The following SAP130 variants were observed in gnomAD, a reference collection of about 807,000 sequenced individuals.
SAP130 encodes the protein Sin3A associated protein 130.
A neutral mutation model predicts 103.2 loss-of-function variants in SAP130; 16 were observed. The ratio of observed to expected loss-of-function variants is 0.16; its 90% CI spans 0.10 to 0.24. SAP130 has a LOEUF of 0.24. Ranked by LOEUF, SAP130 falls within the 10% of genes least tolerant of loss-of-function variation. The pLI is 1.00. For synonymous variants in SAP130, 477 were observed against 497.0 expected, an observed-to-expected ratio of 0.96 and a Z score of 0.53; for missense variants, 990 against 1,359.7, an observed-to-expected ratio of 0.73 and a Z score of 4.28.
rs763014737 is a variant in SAP130 at position 127,978,009 on chromosome 2, G to A, written c.2039C>T (p.Thr680Met). The part of the protein sequence containing the change: ...SPRVESSMRS[T>M]SGSPRPAGAK... ...CCCTGCAGGCCTAGGTGACCCAGACGTACTCCGCATAGAGCTTTCCACTCG... is the reference window on the plus strand; with the variant it reads ...CCCTGCAGGCCTAGGTGACCCAGACATACTCCGCATAGAGCTTTCCACTCG... The change falls in exon 15 of 21, where the codon ACG (threonine) becomes ATG (methionine). Residue 680 changes from threonine to methionine, a missense_variant. Coordinates refer to ENST00000643581, the MANE Select transcript of SAP130 (RefSeq NM_001330301.2). 1.5e-5 allele frequency: 24 copies of A among 1,551,872 alleles called. No homozygotes were observed. Among genetic ancestry groups the A allele is most frequent in the South Asian group, 8.3e-5 (7 of 84,066 alleles).
chr2:127,945,745 T>C (rs943393443), intron 18 of SAP130, among the ~76,000 whole-genome samples, 186 bp from the exon 19 acceptor site: 1 of 152,130 alleles, frequency 6.6e-6, no homozygotes. Flanking sequence ...CCCTGCCTCC[T>C]AGGCTCAAAT....
intron 12 of SAP130, among the ~76,000 whole-genome samples, chr2:127,992,928 C>T (rs565478149): frequency 3.9e-5 from 6 of 152,288 alleles, no homozygotes; most frequent in Non-Finnish European, 5.9e-5. Flanking sequence ...TAACTACTGT[C>T]ATTTTAAGGA....
intron 9 of SAP130, 51 bp downstream of exon 9, chr2:128,000,005 C>T (rs1341121068): frequency 6.4e-7 from 1 of 1,566,088 alleles, no homozygotes; most frequent in Non-Finnish European, 8.8e-7. Flanking sequence ...TAACCCATCA[C>T]TCTTGCCTCC....
chr2:127,946,279 G>A (rs1679070810), intron 18 of SAP130, among the ~76,000 whole-genome samples: 1 of 152,158 alleles, frequency 6.6e-6, no homozygotes, highest in African/African-American at 2.4e-5. Flanking sequence ...AAGGGAATTG[G>A]GGGAGATTTG....
At chr2:127,957,957 T>C (rs1224317479) in intron 15 of SAP130, among the ~76,000 whole-genome samples, 1 of 152,048 alleles carries the variant, frequency 6.6e-6, no homozygotes, top group Non-Finnish European at 1.5e-5. Context: ...AAAGAAATAA[T>C]ACATTAAGAT....
rs192897695 is a variant in SAP130 at position 127,975,770 on chromosome 2, G to A, written c.2063+2215C>T. Reference sequence around the variant, plus strand: ...ACTATAAAGTGTGTACCCAGAGTCCGAGGAGAAGTGAAGGCAAAGTGGTTT... The same window carrying A: ...ACTATAAAGTGTGTACCCAGAGTCCAAGGAGAAGTGAAGGCAAAGTGGTTT... On this transcript the variant is annotated intron_variant, in intron 15 of 20. Coordinates refer to ENST00000643581, the MANE Select transcript of SAP130 (RefSeq NM_001330301.2). 4.6e-5 allele frequency among the ~76,000 whole-genome samples: 7 copies of A among 152,278 alleles called. No individual in the cohort carries two copies. The East Asian group carries it at 1.4e-3, about 29-fold the overall frequency.
At chr2:128,024,666 G>A (rs1046564965) in intron 2 of SAP130, among the ~76,000 whole-genome samples, 1 of 150,412 alleles carries the variant, frequency 6.6e-6, no homozygotes, top group African/African-American at 2.5e-5. Context: ...TCCGGAGTCC[G>A]AGATCAGCCT....
intron 15 of SAP130, among the ~76,000 whole-genome samples, chr2:127,968,622 C>T (rs1429293782): frequency 2.6e-5 from 4 of 151,858 alleles, no homozygotes; most frequent in Non-Finnish European, 4.4e-5. Flanking sequence ...CTCCCAGGCT[C>T]AAGCAAATCT....
intron 7 of SAP130, among the ~76,000 whole-genome samples, chr2:128,005,004 G>A (rs1351414470): frequency 6.6e-6 from 1 of 152,120 alleles, no homozygotes; most frequent in African/African-American, 2.4e-5. Flanking sequence ...ACAAAAGGTG[G>A]AACAAAACAC....
At chr2:128,017,287 A>C (rs963083739) in intron 3 of SAP130, among the ~76,000 whole-genome samples, 1 of 152,144 alleles carries the variant, frequency 6.6e-6, no homozygotes, top group Non-Finnish European at 1.5e-5. Context: ...GCACCACTGC[A>C]CTCCAGCCTG....
rs1233144199 is a variant in SAP130, at chr2:127,966,704, A to G, written c.2063+11281T>C. Among the ~76,000 whole-genome samples, 5 of 151,480 alleles carry G rather than the reference A, an allele frequency of 3.3e-5. No homozygotes were observed. The South Asian group carries it at 1.0e-3, about 32-fold the overall frequency. On this transcript the variant is annotated intron_variant, in intron 15 of 20. Transcript: ENST00000643581. ...GGCAATAGGAGTGAAATTCCGTCTC[A>G]TGAAAAGAAAGAAAAAGGACCCTCT... is the stretch of plus-strand genomic sequence containing the variant.
At chr2:127,946,676 A>G (rs941933499) in intron 18 of SAP130, among the ~76,000 whole-genome samples, 1 of 151,932 alleles carries the variant, frequency 6.6e-6, no homozygotes, top group East Asian at 1.9e-4. Context: ...TGAGGTCAGG[A>G]GTTCGAGACC....
chr2:127,952,876 G>A (rs1216405114), intron 16 of SAP130, among the ~76,000 whole-genome samples: 1 of 152,032 alleles, frequency 6.6e-6, no homozygotes, highest in African/African-American at 2.4e-5. Flanking sequence ...ACCATCCTAA[G>A]ACTAGATCAT....
chr2:128,018,339 A>C (rs1478402407), intron 2 of SAP130, among the ~76,000 whole-genome samples: 2 of 150,164 alleles, frequency 1.3e-5, no homozygotes, highest in African/African-American at 2.5e-5. Context: ...AAACAAACCA[A>C]AAACCAAAAA....
At chr2:127,999,604 A>G (rs1683406372) in intron 10 of SAP130, 137 bp downstream of exon 10, 1 of 468,996 alleles carries the variant, frequency 2.1e-6, no homozygotes, top group Non-Finnish European at 3.7e-6. Flanking sequence ...ACTTAAGGAA[A>G]GAAAAAGAAA....
At chr2:128,012,698 T>C (rs1022651712) in intron 6 of SAP130, among the ~76,000 whole-genome samples, 2 of 151,678 alleles carry the variant, frequency 1.3e-5, no homozygotes, top group Non-Finnish European at 2.9e-5. Flanking sequence ...AGTCCACAGA[T>C]CCCCCCAATC....
At chr2:128,011,760 G>T in intron 6 of SAP130, among the ~76,000 whole-genome samples, 1 of 152,172 alleles carries the variant, frequency 6.6e-6, no homozygotes, top group East Asian at 1.9e-4. Flanking sequence ...TCTGTCCCCT[G>T]AAAGTGCTTA....
intron 15 of SAP130, among the ~76,000 whole-genome samples, chr2:127,974,183 G>A (rs960335854): frequency 6.6e-6 from 1 of 152,198 alleles, no homozygotes; most frequent in Non-Finnish European, 1.5e-5. Context: ...TCTCAGCACA[G>A]TAGCCAGAGT....
Position 128,000,346 on chromosome 2 carries a change from T to C in SAP130, c.978A>G (p.Ala326=), listed in dbSNP as rs751702675. The C allele has an allele frequency of 5.0e-6, 8 of 1,614,226 alleles. No individual in the cohort carries two copies. The highest frequency in any genetic ancestry group is 6.8e-6 in the Non-Finnish European group (8 of 1,180,034). The part of the protein sequence containing the change: ...TTRITLPSHP[A]LGTPKQQLHT... ...GAAGCTGCTGTTTTGGCGTCCCTAA[T>C]GCAGGGTGAGATGGTAGTGTGATTC... The change falls in exon 8 of 21, where the codon GCA becomes GCG. Residue 326 remains alanine, a synonymous_variant. Coordinates refer to ENST00000643581, the MANE Select transcript of SAP130 (RefSeq NM_001330301.2).
Sources: gnomAD v4.1 joint callset for allele counts (sites outside exome capture counted in the v4.1 genomes callset) on GRCh38, gnomAD v4.1.1 for gene constraint, MANE v1.5 for transcripts, NCBI Gene and HGNC (gene_info 2026-07-23, HGNC 2026-07-21) for gene names.